The following SAMD3 variants were observed in gnomAD, a reference collection of about 807,000 sequenced individuals.
The protein encoded by SAMD3 is sterile alpha motif domain-containing protein 3.
In SAMD3, 63 loss-of-function variants were observed where a neutral mutation model predicts 58.5. That is an observed-to-expected ratio of 1.08 (90% CI 0.88 to 1.33). SAMD3 has a LOEUF of 1.33. SAMD3 is among the 40% of genes most tolerant of loss of function. SAMD3 has a pLI of 0.00. For synonymous variants in SAMD3, 220 were observed against 210.3 expected, an observed-to-expected ratio of 1.05 and a Z score of -0.40; for missense variants, 604 against 608.4, an observed-to-expected ratio of 0.99 and a Z score of 0.08.
chr6:130,288,678 G>A (rs1775256050), intron 2 of SAMD3, among the ~76,000 whole-genome samples: 1 of 152,170 alleles, frequency 6.6e-6, no homozygotes, highest in Non-Finnish European at 1.5e-5. Flanking sequence ...CCAAATCTAT[G>A]GCTTCTATTT....
intron 4 of SAMD3, among the ~76,000 whole-genome samples, chr6:130,210,839 G>C (rs550203368): frequency 6.6e-6 from 1 of 152,006 alleles, no homozygotes; most frequent in South Asian, 2.1e-4. Context: ...AACATTTATG[G>C]GCAAGGCATG....
At chr6:130,312,382 C>G (rs542130175) in intron 2 of SAMD3, among the ~76,000 whole-genome samples, 1 of 152,338 alleles carries the variant, frequency 6.6e-6, no homozygotes, top group East Asian at 1.9e-4. Context: ...CTGAATCATG[C>G]TTGCTCACCG....
At chr6:130,292,271 CTTTT>C (rs397885432) in intron 2 of SAMD3, among the ~76,000 whole-genome samples, 2 of 114,076 alleles carry the variant, frequency 1.8e-5, no homozygotes, top group South Asian at 2.6e-4. Context: ...TTCTTTCTTT[CTTTT>C]TTTTTTTTTT....
At chr6:130,248,022 C>T (rs919327464) in intron 2 of SAMD3, among the ~76,000 whole-genome samples, 2 of 152,118 alleles carry the variant, frequency 1.3e-5, no homozygotes, top group Admixed American at 1.3e-4. Flanking sequence ...GTATTGTAAA[C>T]TGCCCTTTAT....
intron 2 of SAMD3, among the ~76,000 whole-genome samples, chr6:130,307,882 C>A (rs527703990): frequency 1.3e-5 from 2 of 152,130 alleles, no homozygotes; most frequent in African/African-American, 2.4e-5. Context: ...TTGTAAAAAA[C>A]CAGTTTGTGT....
At chr6:130,237,091 C>G (rs969522026) in intron 2 of SAMD3, among the ~76,000 whole-genome samples, 1 of 151,878 alleles carries the variant, frequency 6.6e-6, no homozygotes, top group Non-Finnish European at 1.5e-5. Context: ...CTATGTACTA[C>G]ATTAATTAAA....
chr6:130,273,184 C>T (rs1211101660), intron 2 of SAMD3, among the ~76,000 whole-genome samples: 1 of 151,750 alleles, frequency 6.6e-6, no homozygotes, highest in Non-Finnish European at 1.5e-5. Context: ...TATATATTTA[C>T]AAATGATGGT....
At chr6:130,224,469 A>G (rs1257131179), upstream of SAMD3, among the ~76,000 whole-genome samples, 1 of 152,030 alleles carries the variant, frequency 6.6e-6, no homozygotes, top group East Asian at 1.9e-4. Context: ...GTGGAGACAC[A>G]AAAAGGCATA....
At chr6:130,354,919 C>T (rs765588610) in intron 1 of SAMD3, among the ~76,000 whole-genome samples, 25 of 151,930 alleles carry the variant, frequency 1.6e-4, no homozygotes, top group Non-Finnish European at 3.7e-4. Flanking sequence ...TAAACCAGTG[C>T]TAAACTAAAA....
At chr6:130,289,077 A>T (rs1190870876) in intron 2 of SAMD3, among the ~76,000 whole-genome samples, 2 of 152,162 alleles carry the variant, frequency 1.3e-5, no homozygotes, top group Admixed American at 1.3e-4. Flanking sequence ...AAGACTACAC[A>T]TCTAATAAAT....
chr6:130,271,102 C>T (rs755506450), intron 2 of SAMD3, among the ~76,000 whole-genome samples: 46 of 151,940 alleles, frequency 3.0e-4, no homozygotes, highest in Non-Finnish European at 5.6e-4. Flanking sequence ...TGGGCTCAAG[C>T]GATTCTCCTG....
At chr6:130,177,678 G>T (rs960266555) in intron 7 of SAMD3, among the ~76,000 whole-genome samples, 1 of 152,028 alleles carries the variant, frequency 6.6e-6, no homozygotes, top group Non-Finnish European at 1.5e-5. Flanking sequence ...GTGATACTTT[G>T]TCTGTTTCTA....
chr6:130,156,598 C>G (rs916069929), intron 8 of SAMD3, among the ~76,000 whole-genome samples: 2 of 152,100 alleles, frequency 1.3e-5, no homozygotes, highest in Non-Finnish European at 1.5e-5. Flanking sequence ...TACTATCATA[C>G]TAAAATCTCA....
Position 130,359,457 on chromosome 6 carries a change from G to C in SAMD3, c.-304+5663C>G, listed in dbSNP as rs1355916265. 3.3e-5 allele frequency among the ~76,000 whole-genome samples: 5 copies of C among 152,198 alleles called. No individual in the cohort carries two copies. In the East Asian group the frequency reaches 9.7e-4, roughly 29 times the overall value. ...ATTGCACACACATTTCCCTCTCTTT[G>C]AATTCTGTTACATCCTTGTCTACCT... On this transcript the variant is annotated intron_variant, in intron 1 of 13. Coordinates refer to the SAMD3 transcript ENST00000368134.
intron 1 of SAMD3, among the ~76,000 whole-genome samples, chr6:130,338,737 C>T (rs908153248): frequency 2.0e-5 from 3 of 152,160 alleles, no homozygotes; most frequent in African/African-American, 7.2e-5. Context: ...GCCTACAGCC[C>T]CTTTATTTTG....
At chr6:130,221,996 G>A (rs6911675) in intron 1 of SAMD3, among the ~76,000 whole-genome samples, 7,552 of 152,232 alleles carry the variant, frequency 0.05, 599 homozygotes, top group African/African-American at 0.17. Context: ...TGCAAGGTCA[G>A]TTGTTCTCTT....
At chr6:130,189,120 C>CG (rs1793292194) in intron 5 of SAMD3, among the ~76,000 whole-genome samples, 1 of 144,498 alleles carries the variant, frequency 6.9e-6, no homozygotes. Flanking sequence ...AAAAAAAAAC[C>CG]AAAAAACAAA....
intron 5 of SAMD3, among the ~76,000 whole-genome samples, chr6:130,206,031 T>C (rs1179612692): frequency 6.6e-6 from 1 of 152,102 alleles, no homozygotes; most frequent in Non-Finnish European, 1.5e-5. Flanking sequence ...CCATCTGAGA[T>C]AGGACATTGG....
chr6:130,242,549 T>A lies in SAMD3; in HGVS notation c.-187-19736A>T, dbSNP rs542207559. Among the ~76,000 whole-genome samples, 6 of 152,298 alleles carry A rather than the reference T, an allele frequency of 3.9e-5. No individual in the cohort carries two copies. The East Asian group carries it at 1.2e-3, about 29-fold the overall frequency. On this transcript the variant is annotated intron_variant, in intron 2 of 13. Coordinates refer to the SAMD3 transcript ENST00000368134. ...GAAGTCAAACAGGTAATACATTAGATGATGAACTGAAAATGAGGGCTATAC... is the reference window on the plus strand; with the variant it reads ...GAAGTCAAACAGGTAATACATTAGAAGATGAACTGAAAATGAGGGCTATAC...
Sources: gnomAD v4.1 joint callset for allele counts (sites outside exome capture counted in the v4.1 genomes callset) on GRCh38, gnomAD v4.1.1 for gene constraint, MANE v1.5 for transcripts, NCBI Gene and HGNC (gene_info 2026-07-23, HGNC 2026-07-21) for gene names.